The following SSBP2 variants were observed in gnomAD, a reference collection of about 807,000 sequenced individuals.
SSBP2 encodes the protein single-stranded DNA-binding protein 2.
SSBP2 carries 17 observed loss-of-function variants against 61.8 expected under a neutral mutation model. That is an observed-to-expected ratio of 0.28 (90% CI 0.19 to 0.41). The LOEUF is 0.41. Among genes scored for constraint, SSBP2 ranks in the 10% least tolerant of loss-of-function variants. The probability of loss-of-function intolerance (pLI) is 1.00; values close to 1 mark genes in which losing one functional copy is unlikely to be tolerated. For synonymous variants in SSBP2, 139 were observed against 141.3 expected (o/e 0.98, Z 0.12); for missense variants, 310 against 458.7 (o/e 0.68, Z 2.96).
chr5:81,457,997 AAATAT>A (rs1764280880), intron 10 of SSBP2, among the ~76,000 whole-genome samples: 1 of 152,150 alleles, frequency 6.6e-6, no homozygotes, highest in Non-Finnish European at 1.5e-5. Flanking sequence ...TATCCCTGAC[AAATAT>A]ATATAACCTA....
At chr5:81,646,074 C>T (rs1749238912) in intron 2 of SSBP2, among the ~76,000 whole-genome samples, 1 of 152,156 alleles carries the variant, frequency 6.6e-6, no homozygotes, top group Admixed American at 6.5e-5. Context: ...CAAGATTGGG[C>T]AGCTGAGATA....
At chr5:81,734,272 T>A (rs543514416) in intron 1 of SSBP2, among the ~76,000 whole-genome samples, 85 of 152,282 alleles carry the variant, frequency 5.6e-4, no homozygotes, top group African/African-American at 1.9e-3. Context: ...AAGAAAAAAA[T>A]GTGATAAGTA....
chr5:81,575,465 T>C (rs944522696), intron 4 of SSBP2, among the ~76,000 whole-genome samples: 1 of 152,158 alleles, frequency 6.6e-6, no homozygotes, highest in African/African-American at 2.4e-5. Flanking sequence ...TTTTATATCA[T>C]ATGTTAATAA....
At chr5:81,467,806 T>C (rs1186516475) in intron 8 of SSBP2, among the ~76,000 whole-genome samples, 2 of 152,018 alleles carry the variant, frequency 1.3e-5, no homozygotes, top group Non-Finnish European at 2.9e-5. Flanking sequence ...CCAACTCTTC[T>C]GGGTACTCTT....
chr5:81,576,473 A>T (rs1348263484), intron 4 of SSBP2, among the ~76,000 whole-genome samples: 4 of 152,070 alleles, frequency 2.6e-5, no homozygotes, highest in Non-Finnish European at 5.9e-5. Context: ...CAGTGGAGAA[A>T]CCAAAGCACA....
chr5:81,579,581 C>T (rs1478083776), intron 4 of SSBP2, among the ~76,000 whole-genome samples: 1 of 152,120 alleles, frequency 6.6e-6, no homozygotes, highest in Non-Finnish European at 1.5e-5. Context: ...TTAATCTTAG[C>T]TGCTTCTGTC....
intron 4 of SSBP2, among the ~76,000 whole-genome samples, chr5:81,596,928 G>A (rs1743808273): frequency 6.7e-6 from 1 of 148,966 alleles, no homozygotes; most frequent in Non-Finnish European, 1.5e-5. Context: ...CACAGGCACG[G>A]GCAAGGACTT....
At position 81,442,700 on chromosome 5, in the gene SSBP2, T is replaced by C. The variant is rs774787504; in HGVS notation, c.802A>G (p.Met268Val). 6.3e-7 allele frequency: 1 copy of C among 1,580,216 alleles called. No individual in the cohort carries two copies. The highest frequency in any genetic ancestry group is 1.4e-5 in the African/African-American group (1 of 73,686). The change falls in exon 13 of 17, where the codon ATG becomes GTG. Residue 268 changes from methionine (M) to valine (V), a missense_variant. Transcript: ENST00000320672. ...GGTACTGCATTCATTAAAGTATACA[T>C]GTTATCACCAGAGTTGGTTGAATCT...
chr5:81,568,292 A>C (rs751161512), intron 4 of SSBP2, among the ~76,000 whole-genome samples: 3 of 152,152 alleles, frequency 2.0e-5, no homozygotes, highest in Non-Finnish European at 4.4e-5. Flanking sequence ...GTAGTGAATA[A>C]GCCTCAAGAG....
intron 4 of SSBP2, among the ~76,000 whole-genome samples, chr5:81,555,346 A>C (rs191677091): frequency 6.6e-6 from 1 of 152,162 alleles, no homozygotes; most frequent in Non-Finnish European, 1.5e-5. Flanking sequence ...TATAATTTAT[A>C]TAACTCATTT....
intron 6 of SSBP2, among the ~76,000 whole-genome samples, chr5:81,478,663 G>T (rs573184888): frequency 6.6e-6 from 1 of 152,186 alleles, no homozygotes; most frequent in South Asian, 2.1e-4. Context: ...TACAGATAGG[G>T]TATCACTATG....
intron 4 of SSBP2, among the ~76,000 whole-genome samples, chr5:81,611,187 T>C (rs1330829810): frequency 6.6e-6 from 1 of 152,206 alleles, no homozygotes; most frequent in Non-Finnish European, 1.5e-5. Flanking sequence ...TATAAACCTC[T>C]AATCTCAGTT....
At chr5:81,624,985 T>TTCAAAATTGCTCACTTGC (rs565947692) in intron 3 of SSBP2, among the ~76,000 whole-genome samples, 12 of 152,226 alleles carry the variant, frequency 7.9e-5, no homozygotes, top group Admixed American at 2.6e-4. Context: ...TAGTGATGAA[T>TTCAAAATTGCTCACTTGC]TCAAAATTGC....
intron 1 of SSBP2, among the ~76,000 whole-genome samples, chr5:81,657,133 C>T (rs1393373526): frequency 6.6e-6 from 1 of 151,970 alleles, no homozygotes; most frequent in African/African-American, 2.4e-5. Flanking sequence ...TGATTACTTC[C>T]CCTGAGCTTA....
chr5:81,660,599 C>CAA (rs746289933), intron 1 of SSBP2, among the ~76,000 whole-genome samples: 2 of 152,142 alleles, frequency 1.3e-5, no homozygotes, highest in Non-Finnish European at 2.9e-5. Context: ...GACAGTGTGG[C>CAA]AATTCCTCAA....
chr5:81,438,561 T>A (rs1356716100), intron 14 of SSBP2, among the ~76,000 whole-genome samples: 1 of 152,228 alleles, frequency 6.6e-6, no homozygotes, highest in East Asian at 1.9e-4. Flanking sequence ...TAAATAGGCA[T>A]AATAAATTAT....
chr5:81,560,377 G>T (rs1344958074), intron 4 of SSBP2, among the ~76,000 whole-genome samples: 1 of 152,024 alleles, frequency 6.6e-6, no homozygotes, highest in African/African-American at 2.4e-5. Context: ...TACTGCCAAA[G>T]GGTTGCAGGA....
At chr5:81,727,257 T>C (rs1021173492) in intron 1 of SSBP2, among the ~76,000 whole-genome samples, 6 of 152,096 alleles carry the variant, frequency 3.9e-5, no homozygotes, top group African/African-American at 1.4e-4. Context: ...TAATCACATA[T>C]GAAGAATATG....
chr5:81,542,973 G>A (rs1041351442), intron 4 of SSBP2, among the ~76,000 whole-genome samples: 18 of 152,054 alleles, frequency 1.2e-4, no homozygotes, highest in Non-Finnish European at 2.5e-4. Flanking sequence ...TCCTGCTTCA[G>A]CCTCCCGAGT....
Sources: gnomAD v4.1 joint callset for allele counts (sites outside exome capture counted in the v4.1 genomes callset) on GRCh38, gnomAD v4.1.1 for gene constraint, MANE v1.5 for transcripts, NCBI Gene and HGNC (gene_info 2026-07-23, HGNC 2026-07-21) for gene names.